NAV3: variants seen among roughly 807,000 people sequenced by gnomAD.
NAV3 encodes the protein neuron navigator 3, also known as pore membrane and/or filament interacting like protein 1.
A neutral mutation model predicts 244.7 loss-of-function variants in NAV3; 87 were observed. The observed-to-expected ratio is 0.36, with a 90% confidence interval of 0.30 to 0.42. The LOEUF (loss-of-function observed/expected upper bound fraction) is 0.42. Among genes scored for constraint, NAV3 ranks in the 20% least tolerant of loss-of-function variants. The pLI, the probability that NAV3 is intolerant of heterozygous loss-of-function variation, is 1.00. For missense variants in NAV3, 2,663 were observed against 2,893.3 expected (o/e 0.92, Z 1.83); for synonymous variants, 1,126 against 1,042.2 (o/e 1.08, Z -1.55).
Position 77,831,668 on chromosome 12 carries a change from C to G in NAV3, c.207C>G (p.Pro69=), listed in dbSNP as rs2136079541. Residue 69 remains proline, a synonymous_variant, in exon 1 of 40, where the codon CCC becomes CCG. Transcript: ENST00000397909. ...KSTCEFGEKK[P]LQGKAKEKED... is the part of the protein sequence containing the mutation. ...CCTGTGAATTTGGAGAGAAGAAACCCCTCCAAGGAAAAGCCAAGGAGAAAG... is the reference window on the plus strand; with the variant it reads ...CCTGTGAATTTGGAGAGAAGAAACCGCTCCAAGGAAAAGCCAAGGAGAAAG... 1 of 1,611,810 alleles carries G rather than the reference C, an allele frequency of 6.2e-7. No individual in the cohort carries two copies.
At chr12:78,114,510 G>A (rs1364914382) in intron 12 of NAV3, among the ~76,000 whole-genome samples, 1 of 152,144 alleles carries the variant, frequency 6.6e-6, no homozygotes, top group Non-Finnish European at 1.5e-5. Context: ...TCCTTCACAT[G>A]GTGGCAGGGA....
intron 2 of NAV3, chr12:77,783,405 A>G (rs1870763008): frequency 6.6e-6 from 1 of 152,068 alleles, no homozygotes; most frequent in Non-Finnish European, 1.5e-5. Context: ...AATATGACCA[A>G]GCAGAAGTTC....
chr12:77,957,415 C>A (rs185820614), intron 3 of NAV3, among the ~76,000 whole-genome samples: 81 of 152,048 alleles, frequency 5.3e-4, no homozygotes, highest in Admixed American at 1.4e-3. Context: ...GTATTTAGTA[C>A]CAAACTGTAA....
At position 77,767,620 on chromosome 12, in the gene NAV3, C is replaced by T. The variant is rs146512539; in HGVS notation, c.73-172699C>T. Among the ~76,000 whole-genome samples, 208 of 152,264 alleles carry T rather than the reference C, an allele frequency of 1.4e-3. 4 individuals are homozygous for T. In the East Asian group the frequency reaches 0.033, roughly 24 times the overall value. ...CAGCTCCAGGTGCCAGCACAGACAC[C>T]GGCTCCATGTAAGCCTGCAGCTAAA... On this transcript the variant is annotated intron_variant, in intron 2 of 8. Transcript: ENST00000550042.
At chr12:77,655,906 C>A (rs1873075988) in intron 2 of NAV3, among the ~76,000 whole-genome samples, 1 of 145,826 alleles carries the variant, frequency 6.9e-6, no homozygotes, top group African/African-American at 2.7e-5. Context: ...CAAGCAAATG[C>A]TGAGAGATTT....
chr12:77,609,134 T>C (rs980369012), intron 2 of NAV3, among the ~76,000 whole-genome samples: 2 of 152,096 alleles, frequency 1.3e-5, no homozygotes, highest in African/African-American at 2.4e-5. Flanking sequence ...CTGGTAATCC[T>C]TTGAGTTTCA....
intron 2 of NAV3, among the ~76,000 whole-genome samples, chr12:77,691,006 T>G (rs942955369): frequency 2.7e-5 from 4 of 150,830 alleles, no homozygotes; most frequent in Non-Finnish European, 5.9e-5. Flanking sequence ...CTTTTATTTC[T>G]GCTTGATTTA....
intron 2 of NAV3, among the ~76,000 whole-genome samples, chr12:77,623,970 T>G (rs936038503): frequency 6.6e-6 from 1 of 152,208 alleles, no homozygotes; most frequent in African/African-American, 2.4e-5. Context: ...ACAAATGCTT[T>G]TTAAGTATCC....
chr12:77,853,768 C>G (rs1877920329), intron 1 of NAV3, among the ~76,000 whole-genome samples: 1 of 152,120 alleles, frequency 6.6e-6, no homozygotes, highest in African/African-American at 2.4e-5. Flanking sequence ...GTTTGGCAGA[C>G]TTCTAAAAAT....
intron 1 of NAV3, among the ~76,000 whole-genome samples, chr12:77,869,087 T>C (rs901554998): frequency 3.9e-5 from 6 of 151,968 alleles, no homozygotes; most frequent in Non-Finnish European, 8.8e-5. Context: ...AATGCTCTGC[T>C]CTACTAGCTG....
At chr12:77,706,259 C>A (rs1875794035) in intron 2 of NAV3, among the ~76,000 whole-genome samples, 5 of 151,330 alleles carry the variant, frequency 3.3e-5, no homozygotes, top group Admixed American at 3.3e-4. Flanking sequence ...ATAGATCTCC[C>A]TTATGAATGC....
intron 2 of NAV3, among the ~76,000 whole-genome samples, chr12:77,701,777 T>G (rs1416287096): frequency 6.6e-6 from 1 of 152,026 alleles, no homozygotes; most frequent in Non-Finnish European, 1.5e-5. Context: ...CAAATCTGGG[T>G]GGCTTTGCTT....
At chr12:77,635,199 C>T (rs1353323377) in intron 2 of NAV3, among the ~76,000 whole-genome samples, 2 of 151,812 alleles carry the variant, frequency 1.3e-5, no homozygotes, top group Non-Finnish European at 2.9e-5. Flanking sequence ...TTGCACTCCA[C>T]CCTTGGTGAC....
At chr12:78,076,840 A>G (rs1953076822) in intron 12 of NAV3, among the ~76,000 whole-genome samples, 1 of 152,208 alleles carries the variant, frequency 6.6e-6, no homozygotes, top group Non-Finnish European at 1.5e-5. Context: ...TTACTTGCTT[A>G]AGAAATTCAA....
chr12:77,713,557 A>T (rs901324670), intron 2 of NAV3, among the ~76,000 whole-genome samples: 1 of 152,168 alleles, frequency 6.6e-6, no homozygotes, highest in African/African-American at 2.4e-5. Context: ...AGATCTGTAG[A>T]ATATATGAAG....
intron 22 of NAV3, among the ~76,000 whole-genome samples, chr12:78,152,728 G>A (rs1221762663): frequency 6.6e-6 from 1 of 151,824 alleles, no homozygotes; most frequent in Non-Finnish European, 1.5e-5. Flanking sequence ...ATTGATTATA[G>A]GGACTTGGTA....
intron 6 of NAV3, among the ~76,000 whole-genome samples, chr12:77,996,680 T>G (rs1484992598): frequency 2.0e-5 from 3 of 152,130 alleles, no homozygotes; most frequent in Non-Finnish European, 4.4e-5. Context: ...TCTAGTAGTA[T>G]TATAAAGGTG....
chr12:78,126,044 T>C (rs1488631700), intron 16 of NAV3, among the ~76,000 whole-genome samples: 1 of 152,218 alleles, frequency 6.6e-6, no homozygotes, highest in African/African-American at 2.4e-5. Flanking sequence ...ATTTATTTTG[T>C]TTGTTTATCC....
intron 12 of NAV3, among the ~76,000 whole-genome samples, chr12:78,063,555 A>C (rs1175727796): frequency 6.6e-6 from 1 of 152,168 alleles, no homozygotes; most frequent in Non-Finnish European, 1.5e-5. Context: ...AAAATAAAAC[A>C]AAACAGTATG....
Sources: allele counts gnomAD v4.1 joint callset (sites outside exome capture counted in the v4.1 genomes callset), GRCh38; gene constraint gnomAD v4.1.1; transcripts MANE v1.5; gene names NCBI Gene and HGNC (gene_info 2026-07-23, HGNC 2026-07-21).